The following CRYZ variants were observed in gnomAD, a reference collection of about 807,000 sequenced individuals.
The protein encoded by CRYZ is crystallin zeta.
In CRYZ, 35 loss-of-function variants were observed where a neutral mutation model predicts 34.1. The observed-to-expected ratio is 1.03, with a 90% CI of 0.78 to 1.36. The LOEUF (loss-of-function observed/expected upper bound fraction) is 1.36. Among genes scored for constraint, CRYZ ranks in the 40% most tolerant of loss-of-function variants. The pLI, the probability that CRYZ is intolerant of heterozygous loss-of-function variation, is 0.00. For synonymous variants in CRYZ, 137 were observed against 136.5 expected (o/e 1.00, Z -0.03); for missense variants, 403 against 391.8 (o/e 1.03, Z -0.24).
At position 74,706,327 on chromosome 1, in the gene CRYZ, C is replaced by A; in HGVS notation, c.959G>T (p.Gly320Val). ...GAGAAGAATCATTTTTCCAGTAGCCCCACTACCATGAATGATATTTTCATG... is the reference window on the plus strand; with the variant it reads ...GAGAAGAATCATTTTTCCAGTAGCCACACTACCATGAATGATATTTTCATG... ...EAHENIIHGSGATGKMILLL is the reference protein window; with the variant it reads ...EAHENIIHGSVATGKMILLL The change falls in exon 9 of 9, where the codon GGG becomes GTG. Residue 320 changes from glycine to valine, a missense_variant. By Grantham distance (109) the Gly-to-Val change is moderately radical. Transcript: ENST00000340866. 2 of 1,609,458 alleles carry A rather than the reference C, an allele frequency of 1.2e-6. No individual in the cohort carries two copies. Among genetic ancestry groups the A allele is most frequent in the Non-Finnish European group, 1.7e-6 (2 of 1,178,302 alleles).
intron 1 of CRYZ, among the ~76,000 whole-genome samples, chr1:74,729,922 G>A (rs1647614450): frequency 6.6e-6 from 1 of 152,016 alleles, no homozygotes; most frequent in Admixed American, 6.6e-5. Flanking sequence ...AGAAGAAAAT[G>A]CCCCACCCTG....
At chr1:74,732,661 G>A (rs3889133) in intron 1 of CRYZ, 45,176 of 137,738 alleles carry the variant, frequency 0.33, 10,327 homozygotes, top group Non-Finnish European at 0.48. Flanking sequence ...GCGGAGGCTG[G>A]GCAGGGGTAG....
intron 1 of CRYZ, among the ~76,000 whole-genome samples, chr1:74,726,902 G>A (rs547742477): frequency 6.6e-6 from 1 of 152,264 alleles, no homozygotes; most frequent in South Asian, 2.1e-4. Context: ...CTCCACAGAT[G>A]TCTAGGGCAG....
intron 3 of CRYZ, among the ~76,000 whole-genome samples, chr1:74,722,855 T>TA (rs564049585): frequency 7.9e-5 from 12 of 151,936 alleles, no homozygotes; most frequent in Admixed American, 1.3e-4. Context: ...TTCTATTAAA[T>TA]AAAAAAAATC....
At chr1:74,726,072 G>A (rs1324099123) in intron 1 of CRYZ, among the ~76,000 whole-genome samples, 2 of 152,198 alleles carry the variant, frequency 1.3e-5, no homozygotes, top group Non-Finnish European at 2.9e-5. Flanking sequence ...AGTGTCTGCA[G>A]CCTTTCCAGG....
chr1:74,719,524 C>A (rs530345342), intron 3 of CRYZ, 152 bp from the exon 4 acceptor site: 182 of 606,542 alleles, frequency 3.0e-4, no homozygotes, highest in African/African-American at 2.9e-3. Context: ...GAGACAGAGT[C>A]TTGCACTGTC....
At chr1:74,707,367 C>T (rs4650281) in intron 6 of CRYZ, 163 bp from the exon 7 acceptor site, 309,467 of 510,602 alleles carry the variant, frequency 0.61, 94,684 homozygotes, top group East Asian at 0.72. Flanking sequence ...TATATAATCA[C>T]GATGTAATTC....
rs75252419 is a variant in CRYZ at position 74,707,083 on chromosome 1, A to G, written c.732+20T>C. On this transcript the variant is annotated intron_variant, in intron 7 of 8. Coordinates refer to ENST00000340866, the MANE Select transcript of CRYZ (RefSeq NM_001889.4). Reference sequence around the variant, plus strand: ...AAACATTAAAGTGGTAAAAAAAAAAAAAAGAAAAGGAATACTTACTATCAC... The same window carrying G: ...AAACATTAAAGTGGTAAAAAAAAAAGAAAGAAAAGGAATACTTACTATCAC... 1 of 1,560,178 alleles carries G rather than the reference A, an allele frequency of 6.4e-7. No individual in the cohort carries two copies. Among genetic ancestry groups the G allele is most frequent in the Non-Finnish European group, 8.7e-7 (1 of 1,150,028 alleles).
At chr1:74,720,184 T>C (rs1479916895) in intron 3 of CRYZ, among the ~76,000 whole-genome samples, 3 of 152,064 alleles carry the variant, frequency 2.0e-5, no homozygotes, top group Admixed American at 6.6e-5. Context: ...ACAAATAAGA[T>C]ATGAAGTTTC....
intron 4 of CRYZ, 94 bp downstream of exon 4, chr1:74,719,115 G>A: frequency 7.7e-7 from 1 of 1,301,322 alleles, no homozygotes; most frequent in Non-Finnish European, 1.1e-6. Context: ...AACCAAATAT[G>A]ATGAACAGAT....
chr1:74,732,854 G>A (rs1244766005), intron 1 of CRYZ, 102 bp downstream of exon 1: 2 of 201,676 alleles, frequency 9.9e-6, no homozygotes, highest in South Asian at 8.9e-5. Flanking sequence ...AGGACAGAGG[G>A]CAGGAAAGGG....
chr1:74,721,597 G>A (rs1647165192), intron 3 of CRYZ, among the ~76,000 whole-genome samples: 1 of 152,120 alleles, frequency 6.6e-6, no homozygotes, highest in South Asian at 2.1e-4. Flanking sequence ...TCAGGTCAGG[G>A]GTATAGTTAA....
chr1:74,707,283 T>C, intron 6 of CRYZ, 79 bp from the exon 7 acceptor site: 11 of 772,324 alleles, frequency 1.4e-5, no homozygotes, highest in South Asian at 8.4e-5. Context: ...CAAGATATTA[T>C]AGAAATATGT....
intron 5 of CRYZ, among the ~76,000 whole-genome samples, chr1:74,711,512 A>G (rs1277067377): frequency 6.6e-6 from 1 of 152,216 alleles, no homozygotes; most frequent in African/African-American, 2.4e-5. Flanking sequence ...AGAGAAAAAT[A>G]CAGGCTGTCT....
chr1:74,732,218 C>T (rs1027105023), intron 1 of CRYZ, among the ~76,000 whole-genome samples: 1 of 146,052 alleles, frequency 6.8e-6, no homozygotes, highest in Non-Finnish European at 1.5e-5. Context: ...GGAAGGGGCC[C>T]TACCTAGGAG....
intron 3 of CRYZ, among the ~76,000 whole-genome samples, chr1:74,719,938 C>T (rs1647134939): frequency 6.6e-6 from 1 of 151,994 alleles, no homozygotes; most frequent in Non-Finnish European, 1.5e-5. Flanking sequence ...ATGGCTCAGT[C>T]CATGAAGAGC....
intron 1 of CRYZ, among the ~76,000 whole-genome samples, chr1:74,727,458 CAAAAAAAAAAA>C (rs3041452): frequency 1.4e-5 from 1 of 71,920 alleles, no homozygotes; most frequent in African/African-American, 5.7e-5. Flanking sequence ...CTAAAAAATA[CAAAAAAAAAAA>C]AAAAAAAAAA....
At chr1:74,707,404 T>G (rs1373981617) in intron 6 of CRYZ, 200 bp from the exon 7 acceptor site, 3 of 398,228 alleles carry the variant, frequency 7.5e-6, no homozygotes, top group Non-Finnish European at 8.8e-6. Flanking sequence ...ACATCTAAAC[T>G]GATAAAAATT....
intron 1 of CRYZ, 136 bp from the exon 2 acceptor site, chr1:74,724,970 C>G (rs1354042926): frequency 3.6e-6 from 2 of 559,492 alleles, no homozygotes; most frequent in South Asian, 4.8e-5. Context: ...GATCTCATTT[C>G]ATGTTTAAGG....
Sources: allele counts gnomAD v4.1 joint callset (sites outside exome capture counted in the v4.1 genomes callset), GRCh38; gene constraint gnomAD v4.1.1; transcripts MANE v1.5; gene names NCBI Gene and HGNC (gene_info 2026-07-23, HGNC 2026-07-21).